The following IL27RA variants were observed in gnomAD, a reference collection of about 807,000 sequenced individuals.
IL27RA encodes interleukin 27 receptor subunit alpha, also known as interleukin-27 receptor subunit alpha.
In IL27RA, 61 loss-of-function variants were observed where a neutral mutation model predicts 80.8. That is an observed-to-expected ratio of 0.76 (90% CI 0.61 to 0.93). The LOEUF (loss-of-function observed/expected upper bound fraction) is 0.93, where lower values mean the gene tolerates loss of function less well. Among genes scored for constraint, IL27RA ranks in the 40% least tolerant of loss-of-function variants. The pLI, the probability that IL27RA is intolerant of heterozygous loss-of-function variation, is 0.00. For missense variants in IL27RA, 735 were observed against 808.1 expected (o/e 0.91, Z 1.10); for synonymous variants, 316 against 332.5 (o/e 0.95, Z 0.54).
In IL27RA at chr19:14,051,659, G is replaced by T. The variant is rs774346460; in HGVS notation, c.1581G>T (p.Leu527Phe). Reference protein sequence around the residue: ...VLPGILFLWGLFLLGCGLSLA... With the variant: ...VLPGILFLWGFFLLGCGLSLA... Reference sequence around the variant, plus strand: ...CGGGCATCCTATTCTTGTGGGGCTTGTTCCTGTTGGGGTGTGGCCTGAGCC... The same window carrying T: ...CGGGCATCCTATTCTTGTGGGGCTTTTTCCTGTTGGGGTGTGGCCTGAGCC... Residue 527 changes from leucine (L) to phenylalanine (F), a missense_variant, in exon 12 of 14, where the codon TTG becomes TTT. By Grantham distance (22) the Leu-to-Phe change is conservative. Transcript: ENST00000263379. 31 of 1,613,304 alleles carry T rather than the reference G, an allele frequency of 1.9e-5. No individual in the cohort carries two copies. In the Middle Eastern group the frequency reaches 4.9e-4, roughly 26 times the overall value.
At chr19:14,048,878 C>A in intron 8 of IL27RA, 103 bp from the exon 9 acceptor site, 2 of 976,932 alleles carry the variant, frequency 2.0e-6, no homozygotes, top group South Asian at 1.3e-5. Context: ...CAGTCAGATC[C>A]TTATCTCAGG....
chr19:14,048,908 A>G, intron 8 of IL27RA, 73 bp from the exon 9 acceptor site: 2 of 1,299,534 alleles, frequency 1.5e-6, no homozygotes, highest in Non-Finnish European at 2.2e-6. Flanking sequence ...TGGGGACCCC[A>G]GTGAAGACAC....
In IL27RA at chr19:14,033,816, T is replaced by C. The variant is rs117896282; in HGVS notation, c.218+1313T>C. On this transcript the variant is annotated intron_variant, in intron 2 of 13. Coordinates refer to ENST00000263379, the MANE Select transcript of IL27RA (RefSeq NM_004843.4). ...CCTGTCTCCACTAAAAATACAAAGA[T>C]TAGCCGATGTGGTGGTGCATGCCTG... Among the ~76,000 whole-genome samples, 20 of 151,732 alleles carry C rather than the reference T, an allele frequency of 1.3e-4. No individual in the cohort carries two copies. The East Asian group carries it at 3.9e-3, about 30-fold the overall frequency.
chr19:14,051,373 C>T (rs1185436585), intron 11 of IL27RA, among the ~76,000 whole-genome samples: 1 of 151,898 alleles, frequency 6.6e-6, no homozygotes, highest in African/African-American at 2.4e-5. Context: ...GGTGAAACCC[C>T]ATCTCTACTA....
chr19:14,036,069 G>A (rs1318616475), intron 2 of IL27RA, among the ~76,000 whole-genome samples: 3 of 142,036 alleles, frequency 2.1e-5, no homozygotes, highest in Admixed American at 7.3e-5. Flanking sequence ...AGTGAGACCC[G>A]TCTCTATTAA....
intron 2 of IL27RA, among the ~76,000 whole-genome samples, chr19:14,033,630 A>G (rs1449462098): frequency 6.6e-6 from 1 of 151,120 alleles, no homozygotes; most frequent in African/African-American, 2.4e-5. Context: ...GTGCCATTGC[A>G]CTCCAGCCTG....
rs995975635 is a variant in IL27RA, at chr19:14,049,709, G to A, written c.1402+395G>A. ...CAATTCTCCTGCCTCAGCCTCCTGA[G>A]TAGCTGGGATTACAGGCGCATGCCA... is the stretch of plus-strand genomic sequence containing the variant. On this transcript the variant is annotated intron_variant, in intron 10 of 13. Coordinates refer to ENST00000263379, the MANE Select transcript of IL27RA (RefSeq NM_004843.4). Among the ~76,000 whole-genome samples the A allele has an allele frequency of 1.3e-4, 19 of 151,608 alleles. No individual in the cohort carries two copies. In the Middle Eastern group the frequency reaches 0.01, roughly 81 times the overall value.
intron 6 of IL27RA, among the ~76,000 whole-genome samples, chr19:14,044,402 GC>G (rs2145692480): frequency 6.6e-6 from 1 of 151,982 alleles, no homozygotes; most frequent in South Asian, 2.1e-4. Flanking sequence ...ACCACACCCG[GC>G]TAATTTTTGT....
chr19:14,039,134 A>G (rs927303785), intron 2 of IL27RA, among the ~76,000 whole-genome samples: 1 of 151,798 alleles, frequency 6.6e-6, no homozygotes, highest in African/African-American at 2.4e-5. Context: ...AAAACACAAA[A>G]AAATTGGCCA....
rs566001410 is a variant in IL27RA, at chr19:14,046,484, A to G, written c.1007A>G (p.Glu336Gly). The change falls in exon 8 of 14, where the codon GAG becomes GGG. Residue 336 changes from glutamate (E) to glycine (G), a missense_variant. Coordinates refer to ENST00000263379, the MANE Select transcript of IL27RA (RefSeq NM_004843.4). Reference protein sequence around the residue: ...VAVSSIAGSTELLVTWQPGPG... With the variant: ...VAVSSIAGSTGLLVTWQPGPG... ...GTCAGCAGCATCGCTGGGAGCACGG[A>G]GCTACTGGTGACCTGGCAACCGGGG... 1 of 1,614,090 alleles carries G rather than the reference A, an allele frequency of 6.2e-7. No individual in the cohort carries two copies. Among genetic ancestry groups the G allele is most frequent in the Non-Finnish European group, 8.5e-7 (1 of 1,180,008 alleles).
In IL27RA at chr19:14,042,515, C is replaced by G; in HGVS notation, c.597C>G (p.Ala199=). ...TPVEIQDLEL[A]TGYKVYGRCR... is the part of the protein sequence containing the mutation. The stretch of plus-strand genomic sequence containing the variant: ...TTGAGATCCAAGATTTGGAGCTAGC[C>G]ACTGGCTACAAAGTGTATGGCCGCT... The change falls in exon 5 of 14, where the codon GCC becomes GCG. Residue 199 remains alanine, a synonymous_variant. Transcript: ENST00000263379. 6.2e-7 allele frequency: 1 copy of G among 1,614,194 alleles called. No homozygotes were observed. The highest frequency in any genetic ancestry group is 1.1e-5 in the South Asian group (1 of 91,086).
intron 2 of IL27RA, 72 bp downstream of exon 2, chr19:14,032,575 GA>G: frequency 2.5e-6 from 2 of 809,314 alleles, no homozygotes; most frequent in Non-Finnish European, 3.9e-6. Context: ...TGCTTTGGTT[GA>G]AAGGTTCCAG....
chr19:14,044,189 G>A (rs576120103), intron 6 of IL27RA, among the ~76,000 whole-genome samples: 2 of 151,958 alleles, frequency 1.3e-5, no homozygotes, highest in African/African-American at 2.4e-5. Flanking sequence ...AAAGGAACAC[G>A]ATGACAGGTG....
Position 14,046,513 on chromosome 19 carries a change from G to C in IL27RA, c.1036G>C (p.Gly346Arg). 1 of 1,614,112 alleles carries C rather than the reference G, an allele frequency of 6.2e-7. No individual in the cohort carries two copies. The change falls in exon 8 of 14, where the codon GGG (glycine) becomes CGG (arginine). Residue 346 changes from glycine to arginine, a missense_variant. Gly to Arg is a moderately radical substitution (Grantham distance 125). Transcript: ENST00000263379. ...ELLVTWQPGP[G>R]EPLEHVVDWA... ...ACTGGTGACCTGGCAACCGGGGCCT[G>C]GGGAACCACTGGAGCATGTAGTGGA...
intron 10 of IL27RA, 95 bp from the exon 11 acceptor site, chr19:14,050,663 C>A: frequency 7.4e-7 from 1 of 1,347,640 alleles, no homozygotes; most frequent in Non-Finnish European, 1.0e-6. Context: ...ATGTGGATAC[C>A]TGGGAGAGAG....
In IL27RA at chr19:14,047,210, A is replaced by ATT. The variant is rs564818958; in HGVS notation, c.1141+609_1141+610dup. Among the ~76,000 whole-genome samples the ATT allele has an allele frequency of 7.3e-3, 954 of 130,662 alleles. 8 individuals are homozygous for ATT. The highest frequency in any genetic ancestry group is 0.012 in the Non-Finnish European group (715 of 60,642). 85.7% of individuals were successfully genotyped at this position (130,662 alleles called of 152,430 possible). A position where few individuals can be genotyped will look rare whatever the true frequency, so the allele number is the denominator to read the frequency against. On this transcript the variant is annotated intron_variant, in intron 8 of 13. Transcript: ENST00000263379. ...GGGAGCGTACCACCACAATCGGTTA[A>ATT]TTTTTTTTTTTTTTTTTTAAGTAGA... is the stretch of plus-strand genomic sequence containing the variant.
intron 2 of IL27RA, 131 bp downstream of exon 2, chr19:14,032,634 C>CAAAAAAAA (rs766574764): frequency 3.0e-4 from 28 of 93,666 alleles, no homozygotes; most frequent in South Asian, 2.1e-3. Context: ...ACTAAAAATA[C>CAAAAAAAA]AAAAAAAAAA....
chr19:14,034,198 C>T (rs1314953638), intron 2 of IL27RA, among the ~76,000 whole-genome samples: 1 of 152,032 alleles, frequency 6.6e-6, no homozygotes, highest in African/African-American at 2.4e-5. Context: ...AGACAGAAAG[C>T]CCTGCCCACA....
chr19:14,032,491 A>G lies in IL27RA; in HGVS notation c.206A>G (p.Gln69Arg). Residue 69 changes from glutamine to arginine, a missense_variant, in exon 2 of 14, where the codon CAG (glutamine) becomes CGG (arginine). Coordinates refer to ENST00000263379, the MANE Select transcript of IL27RA (RefSeq NM_004843.4). The part of the protein sequence containing the change: ...DLGAPSELHL[Q>R]SQKYRSNKTQ... ...GGAGCCCCCTCCGAGTTACACCTCC[A>G]GAGCCAAAAGTAGTGAGTACAGGGA... 1.2e-6 allele frequency: 2 copies of G among 1,611,610 alleles called. No homozygotes were observed. Among genetic ancestry groups the G allele is most frequent in the Admixed American group, 1.7e-5 (1 of 59,956 alleles).
Sources: allele counts gnomAD v4.1 joint callset (sites outside exome capture counted in the v4.1 genomes callset), GRCh38; gene constraint gnomAD v4.1.1; transcripts MANE v1.5; gene names NCBI Gene and HGNC (gene_info 2026-07-23, HGNC 2026-07-21).